TAOK1: variants seen among roughly 807,000 people sequenced by gnomAD.
The protein encoded by TAOK1 is TAO kinase 1, also known as serine/threonine-protein kinase TAO1.
A neutral mutation model predicts 138.3 loss-of-function variants in TAOK1; 21 were observed. The observed-to-expected ratio is 0.15, with a 90% confidence interval of 0.11 to 0.22. TAOK1 has a LOEUF of 0.22. Ranked by LOEUF, TAOK1 falls within the 10% of genes least tolerant of loss-of-function variation. The probability of loss-of-function intolerance (pLI) is 1.00; values close to 1 mark genes in which losing one functional copy is unlikely to be tolerated. For missense variants in TAOK1, 651 were observed against 1,227.7 expected, an observed-to-expected ratio of 0.53 and a Z score of 7.02; for synonymous variants, 361 against 398.4, an observed-to-expected ratio of 0.91 and a Z score of 1.12.
intron 10 of TAOK1, among the ~76,000 whole-genome samples, chr17:29,495,164 A>G (rs1034780248): frequency 1.3e-5 from 2 of 152,214 alleles, no homozygotes; most frequent in African/African-American, 2.4e-5. Context: ...TTCATCTTTC[A>G]TAATTCACCA....
At chr17:29,468,891 T>A (rs1227024426) in intron 3 of TAOK1, among the ~76,000 whole-genome samples, 6 of 152,200 alleles carry the variant, frequency 3.9e-5, no homozygotes, top group African/African-American at 1.4e-4. Flanking sequence ...ATGCCTGTTT[T>A]AAACAAACTT....
rs1325192551 is a variant in TAOK1, at chr17:29,451,585, C to T, written c.37C>T (p.Pro13Ser). 1 of 1,613,438 alleles carries T rather than the reference C, an allele frequency of 6.2e-7. No individual in the cohort carries two copies. Among genetic ancestry groups the T allele is most frequent in the Non-Finnish European group, 8.5e-7 (1 of 1,179,716 alleles). Reference sequence around the variant, plus strand: ...TAACAGAGCAGGCAGCCTGAAGGACCCTGAAATTGCAGAGCTCTTCTTCAA... The same window carrying T: ...TAACAGAGCAGGCAGCCTGAAGGACTCTGAAATTGCAGAGCTCTTCTTCAA... ...STNRAGSLKD[P>S]EIAELFFKED... The change falls in exon 2 of 20, where the codon CCT becomes TCT. Residue 13 changes from proline to serine, a missense_variant. Pro to Ser is a moderately conservative substitution (Grantham distance 74, BLOSUM62 -1). Coordinates refer to ENST00000261716, the MANE Select transcript of TAOK1 (RefSeq NM_020791.4).
intron 2 of TAOK1, among the ~76,000 whole-genome samples, chr17:29,462,021 C>T (rs1389508870): frequency 6.6e-6 from 1 of 152,148 alleles, no homozygotes; most frequent in African/African-American, 2.4e-5. Context: ...CCCATGCACA[C>T]ACTGTTCTGT....
intron 18 of TAOK1, among the ~76,000 whole-genome samples, chr17:29,533,683 A>C (rs1420421900): frequency 6.6e-6 from 1 of 151,946 alleles, no homozygotes; most frequent in African/African-American, 2.4e-5. Context: ...CACCAAAAAA[A>C]TACGAAAACC....
intron 14 of TAOK1, among the ~76,000 whole-genome samples, chr17:29,510,438 G>T (rs977607181): frequency 6.6e-6 from 1 of 152,042 alleles, no homozygotes; most frequent in South Asian, 2.1e-4. Flanking sequence ...TGTTTACATT[G>T]GTTATCTCTG....
chr17:29,420,446 T>C (rs929163205), intron 1 of TAOK1, among the ~76,000 whole-genome samples: 2 of 152,144 alleles, frequency 1.3e-5, no homozygotes, highest in Admixed American at 6.6e-5. Context: ...CGTTTATTAG[T>C]ACAGTTTTAT....
chr17:29,535,875 T>A (rs1044711184), intron 19 of TAOK1, among the ~76,000 whole-genome samples: 36 of 151,670 alleles, frequency 2.4e-4, no homozygotes, highest in Middle Eastern at 3.5e-3. Context: ...AAAAAATCTT[T>A]AAAAAAATCA....
At chr17:29,404,442 A>G (rs1473593482) in intron 1 of TAOK1, among the ~76,000 whole-genome samples, 3 of 152,128 alleles carry the variant, frequency 2.0e-5, no homozygotes, top group Non-Finnish European at 2.9e-5. Context: ...GATTACAGGC[A>G]TGAGCCACCA....
intron 1 of TAOK1, among the ~76,000 whole-genome samples, chr17:29,401,208 C>T (rs961571033): frequency 6.6e-6 from 1 of 152,076 alleles, no homozygotes; most frequent in African/African-American, 2.4e-5. Flanking sequence ...AGCTATTGTG[C>T]TCAGCAGTTT....
chr17:29,522,254 C>A (rs778948165), intron 16 of TAOK1, 26 bp from the exon 17 acceptor site: 3 of 1,611,572 alleles, frequency 1.9e-6, no homozygotes, highest in Non-Finnish European at 2.5e-6. Context: ...GTAAGTTATA[C>A]CTTTGTCTTT....
chr17:29,469,186 C>T (rs2030752620), intron 3 of TAOK1, among the ~76,000 whole-genome samples: 1 of 151,914 alleles, frequency 6.6e-6, no homozygotes, highest in Admixed American at 6.6e-5. Flanking sequence ...AGTTCGAGAC[C>T]ACCCTGGGGA....
chr17:29,502,822 TATTTTACGAAATACTC>T, intron 13 of TAOK1, 99 bp downstream of exon 13: 1 of 1,325,364 alleles, frequency 7.5e-7, no homozygotes, highest in Non-Finnish European at 1.0e-6. Flanking sequence ...ATTTGGGTTT[TATTTTACGAAATACTC>T]ATTTAATATT....
chr17:29,392,887 G>A (rs1261275825), intron 1 of TAOK1, among the ~76,000 whole-genome samples: 2 of 152,138 alleles, frequency 1.3e-5, no homozygotes, highest in African/African-American at 4.8e-5. Context: ...CCTGTTTTAA[G>A]ATAGGGATTT....
Position 29,546,311 on chromosome 17 carries a change from A to T in TAOK1, c.*3289A>T, listed in dbSNP as rs183845338. The T allele has an allele frequency of 6.6e-6, 1 of 152,178 alleles. No homozygotes were observed. The highest frequency in any genetic ancestry group is 6.5e-5 in the Admixed American group (1 of 15,274). The allele number at this position is 152,178 out of a possible 1,614,324, so 9.4% of individuals were successfully genotyped here. On this transcript the variant is annotated 3_prime_UTR_variant, in exon 20 of 20. Transcript: ENST00000261716. ...AGTCATGATTTTTGGTTGCCTAGACATCAGGTAAACATTCAGTACACTAAA... is the reference window on the plus strand; with the variant it reads ...AGTCATGATTTTTGGTTGCCTAGACTTCAGGTAAACATTCAGTACACTAAA...
intron 11 of TAOK1, among the ~76,000 whole-genome samples, chr17:29,496,828 C>G (rs149566594): frequency 0.015 from 2,346 of 152,108 alleles, 24 homozygotes; most frequent in Middle Eastern, 0.088. Flanking sequence ...TCAAGTGATT[C>G]ATCTGCCTCA....
rs1031781143 is a variant in TAOK1 at position 29,551,363 on chromosome 17, C to G, written c.*8341C>G. 3 of 152,198 alleles carry G rather than the reference C, an allele frequency of 2.0e-5. No homozygotes were observed. The highest frequency in any genetic ancestry group is 7.2e-5 in the African/African-American group (3 of 41,450). The allele number at this position is 152,198 out of a possible 1,614,324, so 9.4% of individuals were successfully genotyped here. A position where few individuals can be genotyped will look rare whatever the true frequency, so the allele number is the denominator to read the frequency against. ...TTTTTGGCAGCCTTCATCTTCTCAT[C>G]TCCCAAACCCCCTGAGCCCGTAGGG... is the stretch of plus-strand genomic sequence containing the variant. On this transcript the variant is annotated 3_prime_UTR_variant, in exon 20 of 20. Coordinates refer to ENST00000261716, the MANE Select transcript of TAOK1 (RefSeq NM_020791.4).
intron 2 of TAOK1, among the ~76,000 whole-genome samples, chr17:29,454,718 T>C (rs2030331421): frequency 6.6e-6 from 1 of 152,062 alleles, no homozygotes; most frequent in Admixed American, 6.6e-5. Context: ...TTTTTTGTTT[T>C]TGAGACGGAG....
intron 3 of TAOK1, among the ~76,000 whole-genome samples, chr17:29,471,792 A>G (rs555718689): frequency 1.1e-4 from 17 of 152,328 alleles, no homozygotes; most frequent in Non-Finnish European, 2.4e-4. Context: ...ATTTCTCTGT[A>G]GAATGCAATG....
In TAOK1 at chr17:29,550,511, T is replaced by C. The variant is rs969320637; in HGVS notation, c.*7489T>C. On this transcript the variant is annotated 3_prime_UTR_variant, in exon 20 of 20. Coordinates refer to ENST00000261716, the MANE Select transcript of TAOK1 (RefSeq NM_020791.4). The stretch of plus-strand genomic sequence containing the variant: ...TGTTTTAGTATATGAAAAAGCCTAA[T>C]GCGCATTAATGAGGTTGAAGAGACT... 2 of 152,206 alleles carry C rather than the reference T, an allele frequency of 1.3e-5. No individual in the cohort carries two copies. Among genetic ancestry groups the C allele is most frequent in the Non-Finnish European group, 1.5e-5 (1 of 68,024 alleles). 9.4% of individuals were successfully genotyped at this position (152,206 alleles called of 1,614,324 possible).
Sources: gnomAD v4.1 joint callset for allele counts (sites outside exome capture counted in the v4.1 genomes callset) on GRCh38, gnomAD v4.1.1 for gene constraint, MANE v1.5 for transcripts, NCBI Gene and HGNC (gene_info 2026-07-23, HGNC 2026-07-21) for gene names.